LARGE1: variants seen among roughly 807,000 people sequenced by gnomAD.
LARGE1 encodes the protein LARGE xylosyl- and glucuronyltransferase 1, also known as xylosyl- and glucuronyltransferase LARGE1.
A neutral mutation model predicts 87.6 loss-of-function variants in LARGE1; 43 were observed. The observed-to-expected ratio is 0.49, with a 90% CI of 0.38 to 0.63. The LOEUF is 0.63. LARGE1 is among the 30% of genes least tolerant of loss of function. The pLI, the probability that LARGE1 is intolerant of heterozygous loss-of-function variation, is 0.00. For missense variants in LARGE1, 802 were observed against 1,000.2 expected, an observed-to-expected ratio of 0.80 and a Z score of 2.67; for synonymous variants, 434 against 394.6, an observed-to-expected ratio of 1.10 and a Z score of -1.18.
intron 2 of LARGE1, among the ~76,000 whole-genome samples, chr22:33,698,479 T>G (rs1057498426): frequency 2.7e-5 from 4 of 149,690 alleles, no homozygotes; most frequent in African/African-American, 9.9e-5. Flanking sequence ...TTTTGTATTC[T>G]TTTTGCTTTT....
chr22:33,342,470 C>T (rs1939262549), intron 9 of LARGE1, among the ~76,000 whole-genome samples: 1 of 152,196 alleles, frequency 6.6e-6, no homozygotes, highest in Admixed American at 6.5e-5. Context: ...TTGCCTGTAT[C>T]TCACAGCTGG....
chr22:33,224,583 C>T (rs1244381612), intron 11 of LARGE1, among the ~76,000 whole-genome samples: 1 of 152,158 alleles, frequency 6.6e-6, no homozygotes, highest in Non-Finnish European at 1.5e-5. Context: ...AAAACCATAT[C>T]ATCTATTACC....
intron 6 of LARGE1, among the ~76,000 whole-genome samples, chr22:33,560,157 T>C (rs2148754395): frequency 6.6e-6 from 1 of 152,338 alleles, no homozygotes; most frequent in Admixed American, 6.5e-5. Context: ...TATGCCTCCC[T>C]AAGCATCAGC....
intron 11 of LARGE1, among the ~76,000 whole-genome samples, chr22:33,231,719 C>T (rs1053249934): frequency 3.9e-5 from 6 of 152,234 alleles, no homozygotes; most frequent in African/African-American, 9.6e-5. Flanking sequence ...TTTGATTCTC[C>T]GTCTATCACT....
At chr22:33,917,469 T>C (rs1487357768) in intron 1 of LARGE1, among the ~76,000 whole-genome samples, 1 of 152,212 alleles carries the variant, frequency 6.6e-6, no homozygotes, top group Non-Finnish European at 1.5e-5. Context: ...TATGTTAACA[T>C]CTCTAAGTAT....
intron 6 of LARGE1, among the ~76,000 whole-genome samples, chr22:33,561,901 G>T (rs1311314360): frequency 2.0e-5 from 3 of 152,180 alleles, no homozygotes; most frequent in African/African-American, 7.2e-5. Context: ...AATTCTCCCG[G>T]TAATGAATTT....
In LARGE1 at chr22:33,252,466, G is replaced by A. The variant is rs74349096; in HGVS notation, c.1730+51763C>T. 7.5e-3 allele frequency among the ~76,000 whole-genome samples: 1,144 copies of A among 151,936 alleles called. 10 individuals are homozygous for A. Among genetic ancestry groups the A allele is most frequent in the African/African-American group, 0.025 (1,037 of 41,418 alleles). On this transcript the variant is annotated intron_variant, in intron 11 of 11. Coordinates refer to the LARGE1 transcript ENST00000608642. ...CCTGAGATGTAATTATTCTGGTCCC[G>A]GGAATTTGAATTCATTTAAAGCATA...
intron 6 of LARGE1, among the ~76,000 whole-genome samples, chr22:33,496,198 CCGG>C (rs1420241336): frequency 1.3e-5 from 2 of 152,110 alleles, no homozygotes; most frequent in Non-Finnish European, 2.9e-5. Context: ...TGCTTTTATT[CCGG>C]CCGTGCTGGC....
intron 9 of LARGE1, among the ~76,000 whole-genome samples, chr22:33,370,896 A>C (rs1349518840): frequency 6.7e-6 from 1 of 149,614 alleles, no homozygotes; most frequent in Admixed American, 6.7e-5. Flanking sequence ...ATATTAATGG[A>C]TATAACAATG....
chr22:33,674,319 T>C (rs1480582884), intron 2 of LARGE1, among the ~76,000 whole-genome samples: 2 of 152,200 alleles, frequency 1.3e-5, no homozygotes, highest in Admixed American at 6.5e-5. Flanking sequence ...TTGACAACTC[T>C]AGGAACCTCA....
chr22:33,542,672 C>T (rs2077246402), intron 6 of LARGE1, among the ~76,000 whole-genome samples: 1 of 151,210 alleles, frequency 6.6e-6, no homozygotes, highest in African/African-American at 2.4e-5. Context: ...ACCAAAGATG[C>T]CCGCTTTTAT....
At chr22:33,359,392 T>A (rs1021062956) in intron 9 of LARGE1, among the ~76,000 whole-genome samples, 2 of 152,070 alleles carry the variant, frequency 1.3e-5, no homozygotes, top group Admixed American at 6.6e-5. Flanking sequence ...TTGGGAAGAT[T>A]AAGTGAGGTC....
intron 1 of LARGE1, among the ~76,000 whole-genome samples, chr22:33,900,458 G>A (rs940932791): frequency 6.6e-6 from 1 of 152,112 alleles, no homozygotes; most frequent in African/African-American, 2.4e-5. Flanking sequence ...AATGTCCAAC[G>A]GGCATCCGGC....
Position 33,650,548 on chromosome 22 carries a change from T to C in LARGE1, c.227A>G (p.Asn76Ser), listed in dbSNP as rs752854659. The change falls in exon 3 of 15, where the codon AAC (asparagine) becomes AGC (serine). Residue 76 changes from asparagine (N) to serine (S), a missense_variant. By Grantham distance (46) the Asn-to-Ser change is conservative. Coordinates refer to ENST00000397394, the MANE Select transcript of LARGE1 (RefSeq NM_133642.5). ...EVRMREVEEE[N>S]RALRRQLSLA... ...GCTGAGCTGCCTGCGGAGGGCGCGG[T>C]TCTCCTCCTCCACCTCGCGCATGCG... The C allele has an allele frequency of 1.2e-6, 2 of 1,609,798 alleles. No individual in the cohort carries two copies. Among genetic ancestry groups the C allele is most frequent in the East Asian group, 2.2e-5 (1 of 44,864 alleles).
At chr22:33,213,985 C>A (rs1240079505) in intron 11 of LARGE1, among the ~76,000 whole-genome samples, 1 of 152,156 alleles carries the variant, frequency 6.6e-6, no homozygotes, top group Admixed American at 6.5e-5. Context: ...CCCGCCAGCA[C>A]GCCTGGCTAA....
intron 1 of LARGE1, among the ~76,000 whole-genome samples, chr22:33,831,346 C>A (rs77600950): frequency 1.3e-5 from 2 of 152,162 alleles, no homozygotes; most frequent in African/African-American, 4.8e-5. Context: ...CTTGCATGTG[C>A]GTGCATACAT....
chr22:33,158,363 T>C (rs911937455), downstream of LARGE1, among the ~76,000 whole-genome samples: 2 of 152,150 alleles, frequency 1.3e-5, no homozygotes, highest in East Asian at 3.8e-4. Flanking sequence ...GAAAAATAAA[T>C]GAACGACTAA....
intron 1 of LARGE1, among the ~76,000 whole-genome samples, chr22:33,871,942 CAGTCTCAGCACCAGGAAGTCA>C (rs1285492916): frequency 1.4e-5 from 2 of 141,094 alleles, no homozygotes. Flanking sequence ...TTGATCTAAA[CAGTCTCAGCACCAGGAAGTCA>C]AGTCTATTTC....
At chr22:33,458,130 G>A (rs770780458) in intron 6 of LARGE1, among the ~76,000 whole-genome samples, 2 of 141,328 alleles carry the variant, frequency 1.4e-5, no homozygotes, top group African/African-American at 5.3e-5. Flanking sequence ...TTTTTGAGAT[G>A]GAGTCTCACT....
Sources: allele counts gnomAD v4.1 joint callset (sites outside exome capture counted in the v4.1 genomes callset), GRCh38; gene constraint gnomAD v4.1.1; transcripts MANE v1.5; gene names NCBI Gene and HGNC (gene_info 2026-07-23, HGNC 2026-07-21).